The following NSUN4 variants were observed in gnomAD, a reference collection of about 807,000 sequenced individuals.
NSUN4 encodes the protein NOP2/Sun RNA methyltransferase 4.
In NSUN4, 31 loss-of-function variants were observed where a neutral mutation model predicts 43.8. The ratio of observed to expected loss-of-function variants is 0.71; its 90% CI spans 0.53 to 0.96. The LOEUF (loss-of-function observed/expected upper bound fraction) is 0.96. NSUN4 is among the 40% of genes least tolerant of loss of function. The pLI, the probability that NSUN4 is intolerant of heterozygous loss-of-function variation, is 0.00. For missense variants in NSUN4, 439 were observed against 475.6 expected, an observed-to-expected ratio of 0.92 and a Z score of 0.72; for synonymous variants, 167 against 184.1, an observed-to-expected ratio of 0.91 and a Z score of 0.75.
At position 46,349,034 on chromosome 1, in the gene NSUN4, C is replaced by T. The variant is rs186795176; in HGVS notation, c.592+1959C>T. On this transcript the variant is annotated intron_variant, in intron 3 of 5. Transcript: ENST00000474844. ...TTCACCATGTTGGCCAGGCTGGTCT[C>T]GAATTCCTGACCTCGCAATCCACCC... Among the ~76,000 whole-genome samples the T allele has an allele frequency of 3.6e-4, 54 of 151,484 alleles. 2 individuals are homozygous for T. In the East Asian group the frequency reaches 4.3e-3, roughly 12 times the overall value.
At chr1:46,355,134 C>T (rs1333297216) in intron 4 of NSUN4, among the ~76,000 whole-genome samples, 1 of 152,124 alleles carries the variant, frequency 6.6e-6, no homozygotes, top group Admixed American at 6.5e-5. Context: ...ACAGGGTAAT[C>T]CTACCACTTA....
rs9865 is a variant in NSUN4, at chr1:46,361,784, A to G, written c.1093A>G (p.Ile365Val). 0.14 allele frequency: 230,502 copies of G among 1,613,922 alleles called. 20,688 individuals carry two copies. Among genetic ancestry groups the G allele is most frequent in the South Asian group, 0.39 (35,127 of 91,068 alleles). ...ATCCTGTCAGGTTGGGGAGCTGGTA[A>G]TACCAAACCTCATGGCCAATTTTGG... ...FSSCQVGELV[I>V]PNLMANFGPM... The change falls in exon 6 of 6, where the codon ATA (isoleucine) becomes GTA (valine). Residue 365 changes from isoleucine to valine, a missense_variant. Physicochemically the swap from Ile to Val is conservative, Grantham distance 29. Transcript: ENST00000474844.
At position 46,362,067 on chromosome 1, in the gene NSUN4, A is replaced by G. The variant is rs1444381132; in HGVS notation, c.*221A>G. ...CAACTCACTCATTAACCCCTACCCC[A>G]TCTCCAGGCCTGTACTAAAGTTTGC... On this transcript the variant is annotated 3_prime_UTR_variant, in exon 6 of 6. Transcript: ENST00000474844. 1.7e-5 allele frequency: 10 copies of G among 573,298 alleles called. No individual in the cohort carries two copies. Among genetic ancestry groups the G allele is most frequent in the South Asian group, 6.3e-5 (3 of 47,616 alleles). 35.5% of individuals were successfully genotyped at this position (573,298 alleles called of 1,614,324 possible). A position where few individuals can be genotyped will look rare whatever the true frequency, so the allele number is the denominator to read the frequency against.
intron 3 of NSUN4, among the ~76,000 whole-genome samples, chr1:46,348,806 C>CGGTT (rs1662729185): frequency 1.2e-5 from 1 of 81,082 alleles, no homozygotes; most frequent in Non-Finnish European, 2.4e-5. Context: ...GCCTTGTGCA[C>CGGTT]TGTTTTTTTT....
At chr1:46,378,947 C>G in the NSUN4 span, among the ~76,000 whole-genome samples, 1 of 152,208 alleles carries the variant, frequency 6.6e-6, no homozygotes, top group Non-Finnish European at 1.5e-5. Flanking sequence ...CTCTTACAGC[C>G]TGGGCTAAGA....
At chr1:46,347,720 C>T (rs1662615840) in intron 3 of NSUN4, among the ~76,000 whole-genome samples, 1 of 152,130 alleles carries the variant, frequency 6.6e-6, no homozygotes, top group Non-Finnish European at 1.5e-5. Flanking sequence ...CCTGCAGCCA[C>T]CATTTATATG....
chr1:46,356,844 A>G (rs1030744427), intron 4 of NSUN4, among the ~76,000 whole-genome samples: 1 of 152,160 alleles, frequency 6.6e-6, no homozygotes, highest in African/African-American at 2.4e-5. Flanking sequence ...TAACCCCCCC[A>G]TGTCACAACT....
chr1:46,357,216 A>G (rs1407135942), intron 4 of NSUN4, among the ~76,000 whole-genome samples: 2 of 152,162 alleles, frequency 1.3e-5, no homozygotes, highest in Non-Finnish European at 2.9e-5. Context: ...TTTCACTCCC[A>G]TCGCCCAGGC....
intron 1 of NSUN4, chr1:46,342,115 C>T (rs1016100046): frequency 4.6e-6 from 2 of 431,458 alleles, no homozygotes; most frequent in African/African-American, 4.1e-5. Flanking sequence ...GAAACTAGTC[C>T]TATGGCCTCC....
Position 46,353,816 on chromosome 1 carries a change from A to AT in NSUN4, c.753+795dup, listed in dbSNP as rs1291273480. Reference sequence around the variant, plus strand: ...TTATACTCACTATTCTGAACTTTGTATTTTTTTATTTAATAATGTGTCCTG... The same window carrying AT: ...TTATACTCACTATTCTGAACTTTGTATTTTTTTTATTTAATAATGTGTCCTG... On this transcript the variant is annotated intron_variant, in intron 4 of 5. Coordinates refer to ENST00000474844, the MANE Select transcript of NSUN4 (RefSeq NM_199044.4). Among the ~76,000 whole-genome samples the AT allele has an allele frequency of 6.2e-3, 949 of 152,004 alleles. 13 individuals are homozygous for AT. The highest frequency in any genetic ancestry group is 0.022 in the African/African-American group (896 of 41,460).
At chr1:46,366,956 G>A (rs919427166), downstream of NSUN4, among the ~76,000 whole-genome samples, 8 of 151,732 alleles carry the variant, frequency 5.3e-5, no homozygotes, top group Non-Finnish European at 1.0e-4. Flanking sequence ...TCACCTTTTA[G>A]GAGTCACAAA....
the NSUN4 span, among the ~76,000 whole-genome samples, chr1:46,377,495 T>A: frequency 2.6e-5 from 4 of 152,226 alleles, no homozygotes; most frequent in Middle Eastern, 3.2e-3. Context: ...TTTCTGCATG[T>A]CTGATTTTCA....
chr1:46,360,722 T>C lies in NSUN4; in HGVS notation c.772T>C (p.Cys258Arg). ...TYDRVLVDVP[C>R]TTDRHSLHEE... ...TGGGTAGGTGCTGGTGGATGTGCCCTGTACCACAGACCGCCACTCCCTTCA... is the reference window on the plus strand; with the variant it reads ...TGGGTAGGTGCTGGTGGATGTGCCCCGTACCACAGACCGCCACTCCCTTCA... The change falls in exon 5 of 6, where the codon TGT becomes CGT. Residue 258 changes from cysteine (C) to arginine (R), a missense_variant. By Grantham distance (180) the Cys-to-Arg change is radical. Coordinates refer to ENST00000474844, the MANE Select transcript of NSUN4 (RefSeq NM_199044.4). 1 of 1,613,942 alleles carries C rather than the reference T, an allele frequency of 6.2e-7. No individual in the cohort carries two copies. The highest frequency in any genetic ancestry group is 8.5e-7 in the Non-Finnish European group (1 of 1,179,838).
intron 3 of NSUN4, among the ~76,000 whole-genome samples, chr1:46,349,529 A>G (rs574174798): frequency 2.6e-5 from 4 of 152,156 alleles, no homozygotes; most frequent in Admixed American, 2.6e-4. Flanking sequence ...GCCCCTGACA[A>G]AGGGCCGTAA....
intron 1 of NSUN4, chr1:46,343,533 G>A (rs1234325082): frequency 7.5e-6 from 3 of 399,980 alleles, no homozygotes; most frequent in Non-Finnish European, 8.8e-6. Flanking sequence ...TAGTGACAGC[G>A]AGAGCAGGAG....
intron 3 of NSUN4, among the ~76,000 whole-genome samples, chr1:46,349,466 C>T (rs1452903358): frequency 1.3e-5 from 2 of 152,198 alleles, no homozygotes; most frequent in Admixed American, 1.3e-4. Context: ...GTACTCACTT[C>T]AGCCATCCAC....
At chr1:46,358,530 T>C (rs1178901398) in intron 4 of NSUN4, among the ~76,000 whole-genome samples, 3 of 150,790 alleles carry the variant, frequency 2.0e-5, no homozygotes, top group African/African-American at 4.9e-5. Context: ...GCCTCCCGAG[T>C]AGCTGGGACT....
intron 5 of NSUN4, 32 bp from the exon 6 acceptor site, chr1:46,361,538 T>A (rs368121406): frequency 1.2e-5 from 19 of 1,603,026 alleles, no homozygotes; most frequent in Admixed American, 1.7e-5. Context: ...GGAAGCTCAC[T>A]AGTAACTGCT....
At chr1:46,372,449 T>C in the NSUN4 span, among the ~76,000 whole-genome samples, 3 of 151,968 alleles carry the variant, frequency 2.0e-5, no homozygotes, top group Non-Finnish European at 2.9e-5. Flanking sequence ...GGCCGCCTTT[T>C]TACTATTTAC....
Sources: allele counts gnomAD v4.1 joint callset (sites outside exome capture counted in the v4.1 genomes callset), GRCh38; gene constraint gnomAD v4.1.1; transcripts MANE v1.5; gene names NCBI Gene and HGNC (gene_info 2026-07-23, HGNC 2026-07-21).